The following SIK2 variants were observed in gnomAD, a reference collection of about 807,000 sequenced individuals.
SIK2 encodes the protein serine/threonine-protein kinase SIK2.
Under a neutral mutation model 103.2 loss-of-function variants are expected in SIK2, and 29 were observed. The ratio of observed to expected loss-of-function variants is 0.28; its 90% CI spans 0.21 to 0.38. The LOEUF is 0.38. Among genes scored for constraint, SIK2 ranks in the 10% least tolerant of loss-of-function variants. The pLI is 1.00. For missense variants in SIK2, 879 were observed against 1,171.0 expected (o/e 0.75, Z 3.64); for synonymous variants, 412 against 446.1 (o/e 0.92, Z 0.96).
chr11:111,637,464 T>TC (rs1042267458), intron 3 of SIK2, among the ~76,000 whole-genome samples: 1 of 147,866 alleles, frequency 6.8e-6, no homozygotes, highest in African/African-American at 2.5e-5. Context: ...ATCTTTTTTT[T>TC]TTTTTTTTTT....
intron 3 of SIK2, among the ~76,000 whole-genome samples, chr11:111,621,785 A>G (rs1035832248): frequency 1.3e-5 from 2 of 152,062 alleles, no homozygotes; most frequent in African/African-American, 4.8e-5. Context: ...GTGGTAGTGC[A>G]TGCCTGTAAT....
At chr11:111,641,015 A>G (rs982152264) in intron 3 of SIK2, among the ~76,000 whole-genome samples, 1 of 152,260 alleles carries the variant, frequency 6.6e-6, no homozygotes, top group African/African-American at 2.4e-5. Flanking sequence ...CATCTGGTAA[A>G]GGCCTCAGTG....
chr11:111,724,776 G>A lies in SIK2; in HGVS notation c.*647G>A, dbSNP rs569051300. Reference sequence around the variant, plus strand: ...CAGAAACCGCCTTCATCTCCATTCGGAAGCAGGTGACACACCCCTTCAGAA... The same window carrying A: ...CAGAAACCGCCTTCATCTCCATTCGAAAGCAGGTGACACACCCCTTCAGAA... On this transcript the variant is annotated 3_prime_UTR_variant, in exon 15 of 15. Coordinates refer to ENST00000304987, the MANE Select transcript of SIK2 (RefSeq NM_015191.3). 6.5e-6 allele frequency: 1 copy of A among 152,806 alleles called. No individual in the cohort carries two copies. The highest frequency in any genetic ancestry group is 1.9e-4 in the East Asian group (1 of 5,192). The allele number at this position is 152,806 out of a possible 1,614,324, so 9.5% of individuals were successfully genotyped here.
At chr11:111,604,423 G>T (rs899014350) in intron 1 of SIK2, among the ~76,000 whole-genome samples, 2 of 152,146 alleles carry the variant, frequency 1.3e-5, no homozygotes, top group African/African-American at 4.8e-5. Flanking sequence ...TTTCTCATCA[G>T]CTCTTACTGG....
intron 3 of SIK2, among the ~76,000 whole-genome samples, chr11:111,680,152 A>G (rs543498009): frequency 6.6e-6 from 1 of 152,170 alleles, no homozygotes; most frequent in South Asian, 2.1e-4. Flanking sequence ...GGCGTTTCAT[A>G]GTAACATTTT....
At chr11:111,699,908 T>G (rs1943170755) in intron 4 of SIK2, among the ~76,000 whole-genome samples, 1 of 152,230 alleles carries the variant, frequency 6.6e-6, no homozygotes. Flanking sequence ...GAGCCATCTC[T>G]TAAAGCTCAC....
In SIK2 at chr11:111,647,433, G is replaced by A. The variant is rs953592326; in HGVS notation, c.316+27031G>A. On this transcript the variant is annotated intron_variant, in intron 3 of 14. Coordinates refer to ENST00000304987, the MANE Select transcript of SIK2 (RefSeq NM_015191.3). ...AAAATACCCCTTTTTTCCAGACTGG[G>A]CAACATGGCGAAATCCCACATCTAC... Among the ~76,000 whole-genome samples, 21 of 151,674 alleles carry A rather than the reference G, an allele frequency of 1.4e-4. No individual in the cohort carries two copies. The Middle Eastern group carries it at 0.014, about 98-fold the overall frequency.
intron 3 of SIK2, among the ~76,000 whole-genome samples, chr11:111,634,974 G>A (rs1942087715): frequency 6.6e-6 from 1 of 152,226 alleles, no homozygotes; most frequent in Non-Finnish European, 1.5e-5. Flanking sequence ...ATCCTTGGCT[G>A]TAAGATGTAG....
At chr11:111,647,477 G>A (rs1198056061) in intron 3 of SIK2, among the ~76,000 whole-genome samples, 1 of 147,658 alleles carries the variant, frequency 6.8e-6, no homozygotes, top group African/African-American at 2.5e-5. Context: ...CAAAAAATAC[G>A]CCAGGCATGT....
At position 111,723,946 on chromosome 11, in the gene SIK2, G is replaced by A; in HGVS notation, c.2598G>A (p.Gln866=). 6.2e-7 allele frequency: 1 copy of A among 1,614,088 alleles called. No homozygotes were observed. Among genetic ancestry groups the A allele is most frequent in the Non-Finnish European group, 8.5e-7 (1 of 1,179,990 alleles). The stretch of plus-strand genomic sequence containing the variant: ...CGCCAGACTATCCCACTCCCTGTCA[G>A]TATCCTGTGGATGGAGCCCAGCAGA... ...SPAPDYPTPC[Q]YPVDGAQQSD... Residue 866 remains glutamine (Q), a synonymous_variant, in exon 15 of 15, where the codon CAG becomes CAA. Coordinates refer to ENST00000304987, the MANE Select transcript of SIK2 (RefSeq NM_015191.3).
rs150973120 is a variant in SIK2, at chr11:111,645,319, CCAT to C, written c.316+24920_316+24922del. ...TTCAAAACTGGAAACAACAAAATGT[CCAT>C]CAACAGTAGAATGGCTCAATACTTT... On this transcript the variant is annotated intron_variant, in intron 3 of 14. Coordinates refer to ENST00000304987, the MANE Select transcript of SIK2 (RefSeq NM_015191.3). Among the ~76,000 whole-genome samples the C allele has an allele frequency of 2.8e-3, 430 of 152,248 alleles. 1 individual carries two copies. Among genetic ancestry groups the C allele is most frequent in the African/African-American group, 9.8e-3 (407 of 41,540 alleles).
intron 1 of SIK2, among the ~76,000 whole-genome samples, chr11:111,604,528 T>C (rs906158092): frequency 6.6e-6 from 1 of 152,222 alleles, no homozygotes; most frequent in African/African-American, 2.4e-5. Flanking sequence ...ATTGACACTT[T>C]GAGGTTGACA....
At chr11:111,723,403 A>G (rs552104379) in intron 14 of SIK2, 93 bp from the exon 15 acceptor site, 1 of 1,348,736 alleles carries the variant, frequency 7.4e-7, no homozygotes, top group South Asian at 1.4e-5. Flanking sequence ...ACTTAAGTAG[A>G]AGACTGAAGC....
intron 2 of SIK2, among the ~76,000 whole-genome samples, chr11:111,616,735 A>G (rs1469799148): frequency 6.6e-6 from 1 of 152,090 alleles, no homozygotes; most frequent in African/African-American, 2.4e-5. Flanking sequence ...AGTCCCAGCT[A>G]CTTGGGAGGT....
At chr11:111,682,391 G>A (rs1489561509) in intron 3 of SIK2, among the ~76,000 whole-genome samples, 2 of 152,126 alleles carry the variant, frequency 1.3e-5, no homozygotes, top group Admixed American at 6.6e-5. Flanking sequence ...AAGGGCTCCA[G>A]AAACAAAATA....
rs753529335 is a variant in SIK2, at chr11:111,701,405, G to C, written c.604-47G>C. 3 of 1,593,482 alleles carry C rather than the reference G, an allele frequency of 1.9e-6. No individual in the cohort carries two copies. The highest frequency in any genetic ancestry group is 1.7e-6 in the Non-Finnish European group (2 of 1,166,064). On this transcript the variant is annotated intron_variant, in intron 5 of 14. Coordinates refer to ENST00000304987, the MANE Select transcript of SIK2 (RefSeq NM_015191.3). This position sits in a 1 kb window ranked among gnomAD's most constrained non-coding sequence, Gnocchi z 4.2. Reference sequence around the variant, plus strand: ...GGGGATGTTCAGGAAAACAAAGAGTGTTTGACGTTCTTGGTAGAAAAGTCT... The same window carrying C: ...GGGGATGTTCAGGAAAACAAAGAGTCTTTGACGTTCTTGGTAGAAAAGTCT...
At chr11:111,664,453 T>A (rs1942508073) in intron 3 of SIK2, among the ~76,000 whole-genome samples, 1 of 152,046 alleles carries the variant, frequency 6.6e-6, no homozygotes, top group Admixed American at 6.6e-5. Context: ...CTGTCTCTAC[T>A]CAAAATACAA....
intron 3 of SIK2, among the ~76,000 whole-genome samples, chr11:111,652,558 T>TG (rs1337203047): frequency 6.6e-6 from 1 of 152,228 alleles, no homozygotes; most frequent in Non-Finnish European, 1.5e-5. Context: ...ATAATGTAAC[T>TG]GGGCATCTAA....
chr11:111,689,166 A>C (rs1173958873), intron 4 of SIK2, among the ~76,000 whole-genome samples: 1 of 152,216 alleles, frequency 6.6e-6, no homozygotes, highest in African/African-American at 2.4e-5. Context: ...ATCTGTAGGC[A>C]TGCAGGATTG....
Sources: gnomAD v4.1 joint callset for allele counts (sites outside exome capture counted in the v4.1 genomes callset) on GRCh38, gnomAD v4.1.1 for gene constraint, Gnocchi (gnomAD v3.1) non-coding constraint, MANE v1.5 for transcripts, NCBI Gene and HGNC (gene_info 2026-07-23, HGNC 2026-07-21) for gene names.